TRPA1: variants seen among roughly 807,000 people sequenced by gnomAD.
TRPA1 encodes the protein transient receptor potential cation channel subfamily A member 1.
In TRPA1, 129 loss-of-function variants were observed where a neutral mutation model predicts 131.3. That is an observed-to-expected ratio of 0.98 (90% CI 0.85 to 1.14). The LOEUF is 1.14. Among genes scored for constraint, TRPA1 ranks in the 50% most tolerant of loss-of-function variants. TRPA1 has a pLI of 0.00. For missense variants in TRPA1, 1,304 were observed against 1,354.2 expected (o/e 0.96, Z 0.58); for synonymous variants, 441 against 451.7 (o/e 0.98, Z 0.30).
upstream of TRPA1, among the ~76,000 whole-genome samples, chr8:72,079,284 C>T (rs2129437360): frequency 6.6e-6 from 1 of 151,836 alleles, no homozygotes; most frequent in East Asian, 1.9e-4. Context: ...TTTTGGGTGC[C>T]ATAGAAACTT....
the TRPA1 span, among the ~76,000 whole-genome samples, chr8:72,084,361 C>T: frequency 2.6e-5 from 4 of 151,926 alleles, no homozygotes; most frequent in Non-Finnish European, 5.9e-5. Flanking sequence ...TCTAAATCTT[C>T]CCTATATCTG....
At chr8:72,055,325 G>T in intron 12 of TRPA1, 111 bp downstream of exon 12, 1 of 873,936 alleles carries the variant, frequency 1.1e-6, no homozygotes, top group Non-Finnish European at 1.8e-6. Context: ...TTGGATAAAA[G>T]TACTTAGTGA....
chr8:72,070,713 A>G (rs1458188586), intron 2 of TRPA1, among the ~76,000 whole-genome samples: 1 of 151,490 alleles, frequency 6.6e-6, no homozygotes, highest in African/African-American at 2.4e-5. Flanking sequence ...TTGGTACTCT[A>G]CTCTTAGCTA....
intron 16 of TRPA1, 125 bp from the exon 17 acceptor site, chr8:72,046,733 AAAGTT>A (rs1563391786): frequency 1.7e-6 from 1 of 593,558 alleles, no homozygotes; most frequent in East Asian, 2.9e-5. Flanking sequence ...TGATTTGAAC[AAAGTT>A]GAGTTATTTC....
In TRPA1 at chr8:72,052,649, T is replaced by G. The variant is rs1338613472; in HGVS notation, c.1761A>C (p.Ala587=). ...NKQQASFLHL[A]LHNKRKEVVL... ...CAACCTCCTTCCTCTTATTGTGAAG[T>G]GCAAGGTGCAAAAAGGAGGCCTGCT... Residue 587 remains alanine, a synonymous_variant, in exon 14 of 27, where the codon GCA becomes GCC. Coordinates refer to ENST00000262209, the MANE Select transcript of TRPA1 (RefSeq NM_007332.3). 6.2e-7 allele frequency: 1 copy of G among 1,613,790 alleles called. No homozygotes were observed. The highest frequency in any genetic ancestry group is 1.7e-5 in the Admixed American group (1 of 59,970).
At chr8:72,083,242 A>G in the TRPA1 span, among the ~76,000 whole-genome samples, 1 of 152,212 alleles carries the variant, frequency 6.6e-6, no homozygotes, top group South Asian at 2.1e-4. Flanking sequence ...CAACATCTTT[A>G]TATTAGCTGA....
chr8:72,079,495 G>A (rs1806250139), upstream of TRPA1, among the ~76,000 whole-genome samples: 1 of 151,830 alleles, frequency 6.6e-6, no homozygotes, highest in South Asian at 2.1e-4. Flanking sequence ...TCAAACCATT[G>A]TCAAAAATCA....
At chr8:72,033,892 G>A (rs1475972069) in intron 22 of TRPA1, 66 bp from the exon 23 acceptor site, 6 of 1,457,282 alleles carry the variant, frequency 4.1e-6, no homozygotes, top group Non-Finnish European at 5.8e-6. Context: ...GTTTCCTGGA[G>A]GTAGAATGAT....
chr8:72,033,943 A>G, intron 22 of TRPA1, 117 bp from the exon 23 acceptor site: 5 of 991,642 alleles, frequency 5.0e-6, no homozygotes, highest in South Asian at 1.4e-5. Flanking sequence ...TCATAGGCAT[A>G]TAGCTGTTGA....
At chr8:72,071,951 T>C (rs921118004) in intron 1 of TRPA1, 84 bp from the exon 2 acceptor site, 5 of 1,270,002 alleles carry the variant, frequency 3.9e-6, no homozygotes, top group Non-Finnish European at 5.6e-6. Flanking sequence ...AAAGAACTTA[T>C]TATTATCCAA....
chr8:72,028,565 T>A (rs1416390663), intron 24 of TRPA1, among the ~76,000 whole-genome samples: 3 of 152,214 alleles, frequency 2.0e-5, no homozygotes, highest in Non-Finnish European at 4.4e-5. Context: ...TGATCCTGTG[T>A]TTGTTCTCTA....
At chr8:72,031,535 T>C (rs1811814749) in intron 23 of TRPA1, among the ~76,000 whole-genome samples, 1 of 150,464 alleles carries the variant, frequency 6.6e-6, no homozygotes. Flanking sequence ...CCATGATCAC[T>C]CCACTGCACT....
At chr8:72,049,699 C>T (rs1213627671) in intron 15 of TRPA1, among the ~76,000 whole-genome samples, 3 of 152,138 alleles carry the variant, frequency 2.0e-5, no homozygotes, top group Non-Finnish European at 4.4e-5. Flanking sequence ...TGTTTAAGAA[C>T]CCACAGAAGC....
chr8:72,029,819 AT>A (rs1811743326), intron 24 of TRPA1, 81 bp downstream of exon 24: 2 of 1,379,590 alleles, frequency 1.4e-6, no homozygotes, highest in South Asian at 1.2e-5. Flanking sequence ...CAAAATGCCC[AT>A]TTTTGACTTG....
At chr8:72,038,277 C>T (rs1041343560) in intron 19 of TRPA1, among the ~76,000 whole-genome samples, 4 of 151,456 alleles carry the variant, frequency 2.6e-5, no homozygotes, top group African/African-American at 9.7e-5. Flanking sequence ...TAGGAATGTC[C>T]TTATTAAGTG....
intron 15 of TRPA1, among the ~76,000 whole-genome samples, chr8:72,049,872 C>A (rs1298105556): frequency 6.6e-6 from 1 of 152,016 alleles, no homozygotes; most frequent in Non-Finnish European, 1.5e-5. Context: ...ATAAGAATGA[C>A]AATATGTGAC....
intron 1 of TRPA1, among the ~76,000 whole-genome samples, chr8:72,074,715 C>G (rs186963536): frequency 7.3e-4 from 111 of 152,228 alleles, no homozygotes; most frequent in African/African-American, 2.6e-3. Context: ...GGTCACTCAC[C>G]CATCTTCAAA....
chr8:72,036,090 T>C (rs1812040265), intron 21 of TRPA1, among the ~76,000 whole-genome samples, 198 bp downstream of exon 21: 1 of 149,378 alleles, frequency 6.7e-6, no homozygotes, highest in Non-Finnish European at 1.5e-5. Flanking sequence ...TAGTGCCAAG[T>C]GTGAGAAACC....
chr8:72,057,008 A>C lies in TRPA1; in HGVS notation c.1103T>G (p.Val368Gly). ...VNLLLSKGAQ[V>G]DIKDNFGRNF... ...ACGTCCAAAATTATCTTTTATGTCTACTTGGGCACCTAAAAAAAAACACTA... is the reference window on the plus strand; with the variant it reads ...ACGTCCAAAATTATCTTTTATGTCTCCTTGGGCACCTAAAAAAAAACACTA... The change falls in exon 10 of 27, where the codon GTA becomes GGA. Residue 368 changes from valine to glycine, a missense_variant. By Grantham distance (109) the Val-to-Gly change is moderately radical. Coordinates refer to ENST00000262209, the MANE Select transcript of TRPA1 (RefSeq NM_007332.3). 6.2e-7 allele frequency: 1 copy of C among 1,603,604 alleles called. No homozygotes were observed. Among genetic ancestry groups the C allele is most frequent in the Admixed American group, 1.7e-5 (1 of 59,642 alleles).
Sources: allele counts gnomAD v4.1 joint callset (sites outside exome capture counted in the v4.1 genomes callset), GRCh38; gene constraint gnomAD v4.1.1; transcripts MANE v1.5; gene names NCBI Gene and HGNC (gene_info 2026-07-23, HGNC 2026-07-21).